The following PDGFC variants were observed in gnomAD, a reference collection of about 807,000 sequenced individuals.
PDGFC encodes the protein platelet derived growth factor C, also known as platelet-derived growth factor C.
A neutral mutation model predicts 35.5 loss-of-function variants in PDGFC; 12 were observed. That is an observed-to-expected ratio of 0.34 (90% CI 0.22 to 0.55). The LOEUF (loss-of-function observed/expected upper bound fraction) is 0.55, where lower values mean the gene tolerates loss of function less well. Ranked by LOEUF, PDGFC falls within the 20% of genes least tolerant of loss-of-function variation. PDGFC has a pLI of 0.91. For synonymous variants in PDGFC, 159 were observed against 148.8 expected (o/e 1.07, Z -0.50); for missense variants, 322 against 412.4 (o/e 0.78, Z 1.90).
At chr4:156,890,213 G>GA (rs1415292337) in intron 1 of PDGFC, among the ~76,000 whole-genome samples, 1 of 151,964 alleles carries the variant, frequency 6.6e-6, no homozygotes, top group African/African-American at 2.4e-5. Flanking sequence ...AGCAGCCAGG[G>GA]ATGTAATCAG....
chr4:156,784,848 T>C (rs1161996286), intron 3 of PDGFC, among the ~76,000 whole-genome samples: 1 of 147,330 alleles, frequency 6.8e-6, no homozygotes, highest in Non-Finnish European at 1.5e-5. Flanking sequence ...AAAGTGTCCA[T>C]TTTTTCAGAT....
intron 1 of PDGFC, among the ~76,000 whole-genome samples, chr4:156,877,816 C>G (rs1730150896): frequency 6.6e-6 from 1 of 152,142 alleles, no homozygotes; most frequent in Admixed American, 6.5e-5. Flanking sequence ...TCCCCGGCAA[C>G]CTGCATCCCA....
chr4:156,837,917 C>T (rs758444635), intron 2 of PDGFC, among the ~76,000 whole-genome samples: 13 of 152,116 alleles, frequency 8.5e-5, no homozygotes, highest in Non-Finnish European at 1.5e-4. Flanking sequence ...GAGCAGAATC[C>T]CTTGATCTCA....
In PDGFC at chr4:156,761,036, T is replaced by C. The variant is rs113128512; in HGVS notation, c.*2054A>G. 0.068 allele frequency: 10,393 copies of C among 152,186 alleles called. 459 individuals are homozygous for C. The highest frequency in any genetic ancestry group is 0.12 in the Middle Eastern group (36 of 294). The allele number at this position is 152,186 out of a possible 1,614,324, so 9.4% of individuals were successfully genotyped here. On this transcript the variant is annotated 3_prime_UTR_variant, in exon 6 of 6. Transcript: ENST00000502773. The stretch of plus-strand genomic sequence containing the variant: ...TTTTGTTTCTTTGTTTTCCACATAG[T>C]TGGAGGCAGGGCAGAACTGCAGGTG...
chr4:156,831,636 G>T (rs529846991), intron 2 of PDGFC, among the ~76,000 whole-genome samples: 2 of 151,752 alleles, frequency 1.3e-5, no homozygotes, highest in East Asian at 2.0e-4. Flanking sequence ...TAGAGATGGG[G>T]TTTCTTCATG....
At chr4:156,903,971 G>C (rs1252121216) in intron 1 of PDGFC, among the ~76,000 whole-genome samples, 2 of 152,122 alleles carry the variant, frequency 1.3e-5, no homozygotes, top group African/African-American at 4.8e-5. Context: ...AGTGATGCCT[G>C]CCTTTGAATG....
rs769007620 is a variant in PDGFC at position 156,767,936 on chromosome 4, C to T, written c.758G>A (p.Arg253His). The T allele has an allele frequency of 2.5e-6, 4 of 1,612,826 alleles. No individual in the cohort carries two copies. The highest frequency in any genetic ancestry group is 1.1e-5 in the South Asian group (1 of 91,058). Reference sequence around the variant, plus strand: ...TTCCCTTATGGACACTGAGAAGTTACGAGGTGTGCAGCTGTATAATCTTAC... The same window carrying T: ...TTCCCTTATGGACACTGAGAAGTTATGAGGTGTGCAGCTGTATAATCTTAC... ...EEVRLYSCTPRNFSVSIREEL... is the reference protein window; with the variant it reads ...EEVRLYSCTPHNFSVSIREEL... The change falls in exon 5 of 6, where the codon CGT becomes CAT. Residue 253 changes from arginine (R) to histidine (H), a missense_variant. Physicochemically the swap from Arg to His is conservative, Grantham distance 29. Around this residue, in one of 2 missense-constraint regions of PDGFC, gnomAD observed 202 missense variants for 295.9 expected, o/e 0.68. Coordinates refer to ENST00000502773, the MANE Select transcript of PDGFC (RefSeq NM_016205.3).
intron 1 of PDGFC, among the ~76,000 whole-genome samples, chr4:156,966,882 T>C (rs1732479366): frequency 6.6e-6 from 1 of 152,208 alleles, no homozygotes; most frequent in African/African-American, 2.4e-5. Flanking sequence ...ATGATTAAAA[T>C]TGATATGGAA....
intron 2 of PDGFC, among the ~76,000 whole-genome samples, chr4:156,813,047 T>C (rs1731982895): frequency 6.6e-6 from 1 of 152,016 alleles, no homozygotes; most frequent in Admixed American, 6.6e-5. Context: ...TGTATGTGTG[T>C]GCGGGATGTG....
chr4:156,936,395 C>T (rs1731682425), intron 1 of PDGFC, among the ~76,000 whole-genome samples: 1 of 152,120 alleles, frequency 6.6e-6, no homozygotes, highest in Admixed American at 6.5e-5. Flanking sequence ...TCAACTCATT[C>T]CTAACCAAAG....
chr4:156,791,538 A>G (rs1311347988), intron 3 of PDGFC, among the ~76,000 whole-genome samples: 1 of 152,166 alleles, frequency 6.6e-6, no homozygotes, highest in Non-Finnish European at 1.5e-5. Context: ...TAAAGAATGC[A>G]CTGAAATGAC....
chr4:156,895,761 T>C lies in PDGFC; in HGVS notation c.119-45345A>G, dbSNP rs1730620121. On this transcript the variant is annotated intron_variant, in intron 1 of 5. Coordinates refer to ENST00000502773, the MANE Select transcript of PDGFC (RefSeq NM_016205.3). ...GTATATAACATATATATAAAATACA[T>C]AAGTGGTTTTAAACAAAAATATGAG... Among the ~76,000 whole-genome samples, 3 of 151,620 alleles carry C rather than the reference T, an allele frequency of 2.0e-5. 1 individual carries two copies. The highest frequency in any genetic ancestry group is 7.3e-5 in the African/African-American group (3 of 41,228).
At chr4:156,787,525 G>A (rs1223702914) in intron 3 of PDGFC, among the ~76,000 whole-genome samples, 1 of 152,172 alleles carries the variant, frequency 6.6e-6, no homozygotes, top group East Asian at 1.9e-4. Context: ...GAGAAGAGAG[G>A]AGACAACATG....
intron 3 of PDGFC, among the ~76,000 whole-genome samples, chr4:156,796,872 C>G (rs1336998473): frequency 1.3e-5 from 2 of 152,168 alleles, no homozygotes; most frequent in African/African-American, 2.4e-5. Flanking sequence ...ACATATAACT[C>G]TAAGTCAAAT....
chr4:156,837,450 A>C, intron 2 of PDGFC, among the ~76,000 whole-genome samples: 1 of 152,112 alleles, frequency 6.6e-6, no homozygotes, highest in East Asian at 1.9e-4. Flanking sequence ...ATGCTACAAT[A>C]GATAACTAGC....
chr4:156,874,613 A>G (rs1032520222), intron 1 of PDGFC, among the ~76,000 whole-genome samples: 3 of 152,198 alleles, frequency 2.0e-5, no homozygotes, highest in African/African-American at 7.2e-5. Context: ...CAAAAAAGCC[A>G]ACACACTTGA....
At chr4:156,969,789 G>A (rs1314798160) in intron 1 of PDGFC, among the ~76,000 whole-genome samples, 2 of 152,124 alleles carry the variant, frequency 1.3e-5, no homozygotes, top group African/African-American at 4.8e-5. Context: ...TCAAATTACA[G>A]TAAGAGCCAC....
At chr4:156,793,989 A>C (rs747298592) in intron 3 of PDGFC, among the ~76,000 whole-genome samples, 31 of 152,174 alleles carry the variant, frequency 2.0e-4, no homozygotes, top group Non-Finnish European at 1.5e-4. Context: ...CTAATACCTT[A>C]GTAGCATCCA....
At chr4:156,905,805 A>G (rs1222995190) in intron 1 of PDGFC, among the ~76,000 whole-genome samples, 3 of 151,956 alleles carry the variant, frequency 2.0e-5, no homozygotes, top group Non-Finnish European at 4.4e-5. Flanking sequence ...TGTGTTACCC[A>G]AGGGCTTACA....
Sources: gnomAD v4.1 joint callset for allele counts (sites outside exome capture counted in the v4.1 genomes callset) on GRCh38, gnomAD v4.1.1 for gene constraint, gnomAD v4.1.1 regional missense constraint, MANE v1.5 for transcripts, NCBI Gene and HGNC (gene_info 2026-07-23, HGNC 2026-07-21) for gene names.